The following ZNF215 variants were observed in gnomAD, a reference collection of about 807,000 sequenced individuals.
The protein encoded by ZNF215 is BWSCR2-associated zinc finger protein 2.
ZNF215 carries 24 observed loss-of-function variants against 27.2 expected under a neutral mutation model. The ratio of observed to expected loss-of-function variants is 0.88; its 90% CI spans 0.64 to 1.24. ZNF215 has a LOEUF of 1.24. ZNF215 is among the 50% of genes most tolerant of loss of function. ZNF215 has a pLI of 0.00. For missense variants in ZNF215, 675 were observed against 605.7 expected (o/e 1.11, Z -1.20); for synonymous variants, 210 against 204.0 (o/e 1.03, Z -0.25).
intron 6 of ZNF215, among the ~76,000 whole-genome samples, chr11:6,951,352 C>G (rs1329933296): frequency 6.6e-6 from 1 of 152,108 alleles, no homozygotes; most frequent in African/African-American, 2.4e-5. Flanking sequence ...GGCTGTGAAT[C>G]CATCTGGTCC....
intron 6 of ZNF215, among the ~76,000 whole-genome samples, chr11:6,950,575 T>C (rs1351291210): frequency 6.6e-6 from 1 of 151,558 alleles, no homozygotes; most frequent in Non-Finnish European, 1.5e-5. Flanking sequence ...TTTTTGTACA[T>C]TGATTTTGTA....
In ZNF215 at chr11:6,956,037, G is replaced by C. The variant is rs749744325; in HGVS notation, c.1060G>C (p.Glu354Gln). 4.4e-6 allele frequency: 7 copies of C among 1,608,470 alleles called. No individual in the cohort carries two copies. In the East Asian group the frequency reaches 1.3e-4, roughly 31 times the overall value. ...NLDSVGKQHS[E>Q]YEYGNDLSLS... is the part of the protein sequence containing the mutation. ...AGACTCAGTAGGTAAGCAACATTCA[G>C]AATATGAATATGGGAATGACTTGAG... is the stretch of plus-strand genomic sequence containing the variant. The change falls in exon 7 of 7, where the codon GAA becomes CAA. Residue 354 changes from glutamate (E) to glutamine (Q), a missense_variant. By Grantham distance (29) the Glu-to-Gln change is conservative (BLOSUM62 2). Coordinates refer to ENST00000278319, the MANE Select transcript of ZNF215 (RefSeq NM_013250.4).
chr11:6,964,682 G>A (rs1022196874), intron 5 of ZNF215, among the ~76,000 whole-genome samples: 6 of 146,918 alleles, frequency 4.1e-5, no homozygotes, highest in African/African-American at 1.5e-4. Flanking sequence ...GTCTTCTTAG[G>A]TCTTTTTTTT....
Position 6,956,266 on chromosome 11 carries a change from C to G in ZNF215, c.1289C>G (p.Ala430Gly), listed in dbSNP as rs758516539. The G allele has an allele frequency of 1.8e-5, 29 of 1,613,854 alleles. No homozygotes were observed. In the Admixed American group the frequency reaches 4.8e-4, roughly 27 times the overall value. ...CTTACTAAGCATCAAAAACTTCATG[C>G]TGAAGCAAAGGCCTGCACAAGCAAT... ...TNLTKHQKLHAEAKACTSNKC... is the reference protein window; with the variant it reads ...TNLTKHQKLHGEAKACTSNKC... The change falls in exon 7 of 7, where the codon GCT (alanine) becomes GGT (glycine). Residue 430 changes from alanine (A) to glycine (G), a missense_variant. Ala to Gly is a moderately conservative substitution (Grantham distance 60, BLOSUM62 0). Transcript: ENST00000278319.
downstream of ZNF215, among the ~76,000 whole-genome samples, chr11:6,962,675 C>G (rs1850540448): frequency 6.6e-6 from 1 of 152,046 alleles, no homozygotes; most frequent in South Asian, 2.1e-4. Flanking sequence ...GTCCCCAGAC[C>G]AGCAGCATCA....
intron 5 of ZNF215, among the ~76,000 whole-genome samples, chr11:6,979,775 G>A (rs1041872): frequency 0.081 from 12,260 of 151,992 alleles, 509 homozygotes; most frequent in Non-Finnish European, 0.089. Flanking sequence ...TCAAAATGAC[G>A]TAATGACTTA....
intron 3 of ZNF215, among the ~76,000 whole-genome samples, chr11:6,937,205 G>A (rs369421875): frequency 1.3e-4 from 19 of 151,900 alleles, no homozygotes; most frequent in African/African-American, 4.6e-4. Context: ...AAAACTATTA[G>A]ACCTAATAAA....
At chr11:6,985,811 T>C (rs968678076), downstream of ZNF215, among the ~76,000 whole-genome samples, 1 of 151,988 alleles carries the variant, frequency 6.6e-6, no homozygotes, top group Non-Finnish European at 1.5e-5. Context: ...ATAAAATACC[T>C]AAGAATACAG....
At position 6,957,986 on chromosome 11, in the gene ZNF215, T is replaced by C. The variant is rs1850431969; in HGVS notation, c.*1455T>C. Reference sequence around the variant, plus strand: ...TAGCTTTTTGTGAAGGTTCATACCTTATTCAAAGGCAGAAAAGGTATACTG... The same window carrying C: ...TAGCTTTTTGTGAAGGTTCATACCTCATTCAAAGGCAGAAAAGGTATACTG... On this transcript the variant is annotated 3_prime_UTR_variant, in exon 7 of 7. Coordinates refer to ENST00000278319, the MANE Select transcript of ZNF215 (RefSeq NM_013250.4). The C allele has an allele frequency of 2.0e-6, 2 of 985,322 alleles. No individual in the cohort carries two copies. The highest frequency in any genetic ancestry group is 2.4e-6 in the Non-Finnish European group (2 of 829,948). 61.0% of individuals were successfully genotyped at this position (985,322 alleles called of 1,614,324 possible).
At chr11:6,958,299 T>G (rs1022018148), downstream of ZNF215, among the ~76,000 whole-genome samples, 1 of 152,214 alleles carries the variant, frequency 6.6e-6, no homozygotes, top group Admixed American at 6.5e-5. Flanking sequence ...TAAGCTGTGA[T>G]TTTCTTTTGG....
chr11:6,942,356 T>G (rs1849659312), intron 4 of ZNF215, among the ~76,000 whole-genome samples: 1 of 152,218 alleles, frequency 6.6e-6, no homozygotes, highest in South Asian at 2.1e-4. Flanking sequence ...GGAGGGAATT[T>G]ATTAGCCAAT....
downstream of ZNF215, among the ~76,000 whole-genome samples, chr11:6,960,853 ATC>A (rs1308664835): frequency 6.6e-6 from 1 of 152,090 alleles, no homozygotes; most frequent in African/African-American, 2.4e-5. Flanking sequence ...ATATCTTTAA[ATC>A]TTTGGTGAAG....
At chr11:6,978,682 G>T (rs565511228) in intron 5 of ZNF215, among the ~76,000 whole-genome samples, 63 of 152,022 alleles carry the variant, frequency 4.1e-4, no homozygotes, top group Non-Finnish European at 7.5e-4. Context: ...GCTTTGGGAA[G>T]CTGATGCAGG....
chr11:6,986,771 GA>G (rs1430687409), downstream of ZNF215, among the ~76,000 whole-genome samples: 10 of 152,158 alleles, frequency 6.6e-5, no homozygotes, highest in Admixed American at 1.3e-4. Flanking sequence ...ATCACTAACA[GA>G]AAAATGCAAA....
At chr11:6,970,197 A>G (rs982800979) in intron 5 of ZNF215, among the ~76,000 whole-genome samples, 4 of 152,250 alleles carry the variant, frequency 2.6e-5, no homozygotes, top group Admixed American at 2.0e-4. Context: ...TGGAAATACG[A>G]ATAATACAAG....
chr11:6,945,167 A>G (rs1415164900), intron 6 of ZNF215, among the ~76,000 whole-genome samples: 1 of 152,050 alleles, frequency 6.6e-6, no homozygotes, highest in Non-Finnish European at 1.5e-5. Flanking sequence ...GGTATTACTT[A>G]CCCGAATTCT....
chr11:6,984,332 C>T (rs1851019697), exon 6 of ZNF215: 4 of 211,710 alleles, frequency 1.9e-5, no homozygotes, highest in South Asian at 1.1e-4. Context: ...TGGTCTTGAA[C>T]TCCTGACCTC....
downstream of ZNF215, among the ~76,000 whole-genome samples, chr11:6,992,972 C>T (rs1375975113): frequency 6.6e-6 from 1 of 152,196 alleles, no homozygotes; most frequent in Non-Finnish European, 1.5e-5. Flanking sequence ...CCTATGATGG[C>T]AGAATGTCCA....
chr11:6,935,631 C>T (rs1235445921), intron 3 of ZNF215, among the ~76,000 whole-genome samples: 1 of 151,956 alleles, frequency 6.6e-6, no homozygotes, highest in East Asian at 1.9e-4. Context: ...GATTTCACTC[C>T]ACTTTTATTA....
Sources: gnomAD v4.1 joint callset for allele counts (sites outside exome capture counted in the v4.1 genomes callset) on GRCh38, gnomAD v4.1.1 for gene constraint, MANE v1.5 for transcripts, NCBI Gene and HGNC (gene_info 2026-07-23, HGNC 2026-07-21) for gene names.